Variants in CACNA1C observed in about 807,000 individuals in gnomAD.
CACNA1C encodes calcium voltage-gated channel subunit alpha1 C, also known as voltage-dependent L-type calcium channel subunit alpha-1C.
Under a neutral mutation model 229.0 loss-of-function variants are expected in CACNA1C, and 30 were observed. The observed-to-expected ratio is 0.13, with a 90% CI of 0.10 to 0.18. CACNA1C has a LOEUF of 0.18. CACNA1C is among the 10% of genes least tolerant of loss of function. The pLI is 1.00. For missense variants in CACNA1C, 1,658 were observed against 2,845.0 expected, an observed-to-expected ratio of 0.58 and a Z score of 9.49; for synonymous variants, 1,114 against 1,132.5, an observed-to-expected ratio of 0.98 and a Z score of 0.33.
chr12:2,569,613 A>G (rs1450805312), intron 13 of CACNA1C, among the ~76,000 whole-genome samples: 1 of 152,222 alleles, frequency 6.6e-6, no homozygotes, highest in Non-Finnish European at 1.5e-5. Flanking sequence ...ATGTTGTAGC[A>G]TAGATCAGTA....
chr12:2,387,165 G>A (rs1171197609), intron 3 of CACNA1C, among the ~76,000 whole-genome samples: 1 of 152,194 alleles, frequency 6.6e-6, no homozygotes, highest in Non-Finnish European at 1.5e-5. Flanking sequence ...AGCACTTTCA[G>A]TTAGGAGGTG....
rs74053837 is a variant in CACNA1C at position 2,582,582 on chromosome 12, G to A, written c.2104-240G>A. 8.9e-3 allele frequency among the ~76,000 whole-genome samples: 1,353 copies of A among 152,232 alleles called. 30 individuals carry two copies. Among genetic ancestry groups the A allele is most frequent in the African/African-American group, 0.031 (1,288 of 41,546 alleles). On this transcript the variant is annotated intron_variant, in intron 14 of 46. Coordinates refer to ENST00000399655, the MANE Select transcript of CACNA1C (RefSeq NM_000719.7). ...GTGTGGGGAAAGTCAGAGATCTTTG[G>A]GCCAAAAAGCCCTTTTAGTCACCCT...
In CACNA1C at chr12:2,159,883, C is replaced by T. The variant is rs772435428; in HGVS notation, c.477+39453C>T. ...CCTCCCAAAGTGCTGGGATTATAGG[C>T]GTGAGCCACCGCTCCTGGCCTAGAC... On this transcript the variant is annotated intron_variant, in intron 3 of 46. Coordinates refer to ENST00000399655, the MANE Select transcript of CACNA1C (RefSeq NM_000719.7). Among the ~76,000 whole-genome samples, 14 of 152,286 alleles carry T rather than the reference C, an allele frequency of 9.2e-5. 1 individual carries two copies. In the East Asian group the frequency reaches 2.5e-3, roughly 27 times the overall value.
Position 2,329,880 on chromosome 12 carries a change from C to T in CACNA1C, c.478-119096C>T, listed in dbSNP as rs190181300. 7.9e-5 allele frequency among the ~76,000 whole-genome samples: 12 copies of T among 152,288 alleles called. No individual in the cohort carries two copies. In the East Asian group the frequency reaches 2.1e-3, roughly 27 times the overall value. On this transcript the variant is annotated intron_variant, in intron 3 of 46. Coordinates refer to ENST00000399655, the MANE Select transcript of CACNA1C (RefSeq NM_000719.7). Reference sequence around the variant, plus strand: ...GAATGGCAGCCACTTCTTGTGAAGGCCATGACAGCTGGATTTTGCTCCAGG... The same window carrying T: ...GAATGGCAGCCACTTCTTGTGAAGGTCATGACAGCTGGATTTTGCTCCAGG...
rs117801544 is a variant in CACNA1C at position 2,525,182 on chromosome 12, G to T, written c.1390+12198G>T. Among the ~76,000 whole-genome samples the T allele has an allele frequency of 4.9e-3, 753 of 152,238 alleles. 5 individuals carry two copies. Among genetic ancestry groups the T allele is most frequent in the Middle Eastern group, 0.014 (4 of 294 alleles). On this transcript the variant is annotated intron_variant, in intron 9 of 46. Transcript: ENST00000399655. ...AGCCACCGAAGAGATTTAAGCAGAG[G>T]GATGACAAGGTACCAGTTTACCATC...
intron 18 of CACNA1C, among the ~76,000 whole-genome samples, chr12:2,587,284 TA>T (rs1355656216): frequency 1.3e-5 from 2 of 152,214 alleles, no homozygotes; most frequent in Non-Finnish European, 2.9e-5. Context: ...GCTGGTTATA[TA>T]TATGAGGTTT....
At chr12:2,440,851 C>A (rs750890316) in intron 3 of CACNA1C, among the ~76,000 whole-genome samples, 1 of 152,170 alleles carries the variant, frequency 6.6e-6, no homozygotes, top group Non-Finnish European at 1.5e-5. Context: ...CTCATCGATG[C>A]GCTGAGAGGG....
At chr12:2,203,901 G>A (rs556379935) in intron 3 of CACNA1C, among the ~76,000 whole-genome samples, 41 of 152,298 alleles carry the variant, frequency 2.7e-4, no homozygotes, top group East Asian at 7.7e-4. Flanking sequence ...CCAGGTCCCC[G>A]GCACAGGTCT....
At chr12:2,520,106 G>T (rs113351201) in intron 9 of CACNA1C, among the ~76,000 whole-genome samples, 94 of 151,034 alleles carry the variant, frequency 6.2e-4, no homozygotes, top group Non-Finnish European at 1.5e-4. Context: ...CCCAATGGCC[G>T]TGTGCTTCAG....
Position 2,118,011 on chromosome 12 carries a change from C to T in CACNA1C, c.372-2314C>T, listed in dbSNP as rs114425567. 6.5e-3 allele frequency among the ~76,000 whole-genome samples: 988 copies of T among 152,342 alleles called. 6 individuals carry two copies. Among genetic ancestry groups the T allele is most frequent in the African/African-American group, 0.022 (922 of 41,576 alleles). ...AAAAAGTAATCTGGGCCTCAAAAGG[C>T]GACACAGAGCACTTCCCAGGGCTTA... On this transcript the variant is annotated intron_variant, in intron 2 of 46. Coordinates refer to ENST00000399655, the MANE Select transcript of CACNA1C (RefSeq NM_000719.7).
chr12:2,033,074 G>A (rs2048494762), intron 1 of CACNA1C, among the ~76,000 whole-genome samples: 1 of 152,194 alleles, frequency 6.6e-6, no homozygotes, highest in Admixed American at 6.5e-5. Flanking sequence ...GACAGGCAGT[G>A]CCTGGTTAGG....
intron 8 of CACNA1C, among the ~76,000 whole-genome samples, chr12:2,509,341 T>A (rs1160931599): frequency 6.6e-6 from 1 of 152,180 alleles, no homozygotes; most frequent in Non-Finnish European, 1.5e-5. Flanking sequence ...TTACATGTTA[T>A]GGAATGTAAC....
chr12:2,007,352 A>T (rs1484352036), intron 1 of CACNA1C, among the ~76,000 whole-genome samples: 1 of 152,250 alleles, frequency 6.6e-6, no homozygotes, highest in Non-Finnish European at 1.5e-5. Context: ...CTTTGAGCTC[A>T]TTAGAGAAGA....
At chr12:2,036,766 C>T (rs1292819861) in intron 1 of CACNA1C, among the ~76,000 whole-genome samples, 1 of 152,196 alleles carries the variant, frequency 6.6e-6, no homozygotes, top group Non-Finnish European at 1.5e-5. Flanking sequence ...GCCCAGCCTC[C>T]CCTTTCCTAT....
intron 34 of CACNA1C, among the ~76,000 whole-genome samples, chr12:2,664,386 C>G (rs2095955612): frequency 6.6e-6 from 1 of 151,950 alleles, no homozygotes. Context: ...AGTGGATACC[C>G]AAGATATAAA....
chr12:2,106,354 C>T (rs1284850200), intron 1 of CACNA1C, among the ~76,000 whole-genome samples: 1 of 56,806 alleles, frequency 1.8e-5, no homozygotes, highest in Non-Finnish European at 4.1e-5. Flanking sequence ...CTCAGCTGGG[C>T]ATCGTGAAGC....
intron 3 of CACNA1C, among the ~76,000 whole-genome samples, chr12:2,331,599 C>T (rs912962238): frequency 1.3e-5 from 2 of 152,190 alleles, no homozygotes; most frequent in Admixed American, 6.5e-5. Context: ...GAGTCTATAC[C>T]GACATACGGA....
chr12:2,076,169 C>T (rs2063113419), intron 1 of CACNA1C, among the ~76,000 whole-genome samples: 1 of 152,220 alleles, frequency 6.6e-6, no homozygotes, highest in Non-Finnish European at 1.5e-5. Flanking sequence ...GATCCTTACA[C>T]AGGCTTGCCT....
intron 34 of CACNA1C, among the ~76,000 whole-genome samples, chr12:2,662,917 C>T (rs1329340425): frequency 6.6e-6 from 1 of 152,132 alleles, no homozygotes; most frequent in Admixed American, 6.5e-5. Context: ...ATAGTATTAA[C>T]AAAATGACTT....
Sources: gnomAD v4.1 joint callset for allele counts (sites outside exome capture counted in the v4.1 genomes callset) on GRCh38, gnomAD v4.1.1 for gene constraint, MANE v1.5 for transcripts, NCBI Gene and HGNC (gene_info 2026-07-23, HGNC 2026-07-21) for gene names.